Variants in FAM178B observed in about 807,000 individuals in gnomAD.
The protein encoded by FAM178B is protein FAM178B.
Under a neutral mutation model 91.7 loss-of-function variants are expected in FAM178B, and 82 were observed. The ratio of observed to expected loss-of-function variants is 0.89; its 90% CI spans 0.75 to 1.07. The LOEUF (loss-of-function observed/expected upper bound fraction) is 1.07. Among genes scored for constraint, FAM178B ranks in the 50% least tolerant of loss-of-function variants. FAM178B has a pLI of 0.00. For synonymous variants in FAM178B, 368 were observed against 359.4 expected (o/e 1.02, Z -0.27); for missense variants, 769 against 846.7 (o/e 0.91, Z 1.14).
chr2:96,893,777 G>T, intron 14 of FAM178B, 149 bp downstream of exon 14: 1 of 986,474 alleles, frequency 1.0e-6, no homozygotes, highest in Non-Finnish European at 1.4e-6. Context: ...GCTCAACACA[G>T]GGAGGCAGCC....
chr2:96,960,202 T>G, intron 6 of FAM178B, 86 bp downstream of exon 6: 1 of 1,449,204 alleles, frequency 6.9e-7, no homozygotes, highest in Non-Finnish European at 9.2e-7. Flanking sequence ...ACTTCCCCCT[T>G]TGGGGTGGCC....
intron 1 of FAM178B, among the ~76,000 whole-genome samples, chr2:96,981,659 T>C (rs2082361996): frequency 7.0e-6 from 1 of 142,154 alleles, no homozygotes; most frequent in African/African-American, 2.7e-5. Context: ...GAGAATGGCG[T>C]GAACCTGGGA....
In FAM178B at chr2:96,921,132, A is replaced by G. The variant is rs1451442410; in HGVS notation, c.1562+33T>C. On this transcript the variant is annotated intron_variant, in intron 12 of 16. Coordinates refer to ENST00000490605, the MANE Select transcript of FAM178B (RefSeq NM_001122646.3). ...ACAAGACCCCGAAGAGATGCGTGTG[A>G]GAGGGAGGAGGCAGCGGGGGAGCAG... The G allele has an allele frequency of 1.1e-5, 17 of 1,519,780 alleles. 1 individual carries two copies. The South Asian group carries it at 1.8e-4, about 16-fold the overall frequency. The allele number at this position is 1,519,780 out of a possible 1,614,324, so 94.1% of individuals were successfully genotyped here.
intron 6 of FAM178B, among the ~76,000 whole-genome samples, chr2:96,953,148 T>C (rs907424171): frequency 3.9e-5 from 6 of 152,308 alleles, no homozygotes; most frequent in African/African-American, 1.2e-4. Context: ...CACCCTGAAA[T>C]AGACCTTCGT....
intron 14 of FAM178B, among the ~76,000 whole-genome samples, chr2:96,885,250 CTGGGTAGAGAGG>C (rs994081118): frequency 1.3e-5 from 2 of 152,260 alleles, no homozygotes; most frequent in Non-Finnish European, 2.9e-5. Context: ...TTGGGCCCTG[CTGGGTAGAGAGG>C]TGGGTGTCTC....
intron 9 of FAM178B, among the ~76,000 whole-genome samples, chr2:96,928,477 G>A (rs535293495): frequency 1.3e-4 from 20 of 152,296 alleles, no homozygotes; most frequent in African/African-American, 4.3e-4. Context: ...AAGTCAGCCC[G>A]GGGCTCAACG....
intron 1 of FAM178B, among the ~76,000 whole-genome samples, chr2:96,977,077 C>G (rs890391846): frequency 1.3e-4 from 20 of 150,904 alleles, no homozygotes; most frequent in African/African-American, 4.9e-4. Context: ...CACCTGGAGT[C>G]CCAGCTACTC....
intron 8 of FAM178B, among the ~76,000 whole-genome samples, chr2:96,934,394 G>T (rs1288676697): frequency 6.6e-6 from 1 of 152,152 alleles, no homozygotes; most frequent in Non-Finnish European, 1.5e-5. Flanking sequence ...AGAGGCAGAT[G>T]GGGGCGAGAG....
At chr2:96,911,668 G>A (rs1462528841) in intron 12 of FAM178B, among the ~76,000 whole-genome samples, 1 of 152,240 alleles carries the variant, frequency 6.6e-6, no homozygotes, top group Non-Finnish European at 1.5e-5. Context: ...GAGACAGTGG[G>A]ATGCTCTGGC....
rs1339963045 is a variant in FAM178B, at chr2:96,972,297, G to A, written c.168C>T (p.Pro56=). The change falls in exon 3 of 17, where the codon CCC becomes CCT. Residue 56 remains proline (P), a synonymous_variant. Transcript: ENST00000490605. ...CATCCTCCAGGTTGTACAGGAGGAT[G>A]GGCACGGTGGCGGCAGCCTGCACCC... ...REGVQAAATV[P]ILLYNLEDGL... 1.4e-6 allele frequency: 2 copies of A among 1,473,880 alleles called. No individual in the cohort carries two copies. Among genetic ancestry groups the A allele is most frequent in the African/African-American group, 2.8e-5 (2 of 70,468 alleles). The allele number at this position is 1,473,880 out of a possible 1,614,324, so 91.3% of individuals were successfully genotyped here. A position where few individuals can be genotyped will look rare whatever the true frequency, so the allele number is the denominator to read the frequency against.
At chr2:96,892,824 C>A (rs970043914) in intron 14 of FAM178B, among the ~76,000 whole-genome samples, 3 of 152,236 alleles carry the variant, frequency 2.0e-5, no homozygotes, top group African/African-American at 7.2e-5. Context: ...CTGACCCCCA[C>A]CTCCTCTCTA....
At chr2:96,915,884 A>C (rs1161547304) in intron 12 of FAM178B, among the ~76,000 whole-genome samples, 1 of 152,080 alleles carries the variant, frequency 6.6e-6, no homozygotes, top group Non-Finnish European at 1.5e-5. Flanking sequence ...TTAACCTCAC[A>C]CCCAAAGATG....
intron 8 of FAM178B, among the ~76,000 whole-genome samples, chr2:96,939,510 CA>C (rs2081690203): frequency 6.6e-6 from 1 of 151,986 alleles, no homozygotes; most frequent in African/African-American, 2.4e-5. Flanking sequence ...CAAAACAAAA[CA>C]AACAAATGAA....
chr2:96,986,502 G>A lies in FAM178B; in HGVS notation c.-189C>T, dbSNP rs2082426840. The A allele has an allele frequency of 2.9e-6, 2 of 690,232 alleles. No individual in the cohort carries two copies. The highest frequency in any genetic ancestry group is 6.3e-5 in the Admixed American group (2 of 31,908). The allele number at this position is 690,232 out of a possible 1,614,324, so 42.8% of individuals were successfully genotyped here. A position where few individuals can be genotyped will look rare whatever the true frequency, so the allele number is the denominator to read the frequency against. On this transcript the variant is annotated 5_prime_UTR_variant, in exon 1 of 17. Transcript: ENST00000490605. ...TGGAACCTAAAGATCCAGTTCTGGG[G>A]ATTGAGTTCCGACTCCAAACCAAGC...
chr2:96,905,679 G>A (rs867623354), intron 12 of FAM178B, among the ~76,000 whole-genome samples: 2 of 150,032 alleles, frequency 1.3e-5, no homozygotes, highest in Non-Finnish European at 3.0e-5. Context: ...GCTCATGCCT[G>A]TAATCCCAGC....
chr2:96,930,215 A>T (rs1364173066), intron 8 of FAM178B, among the ~76,000 whole-genome samples: 1 of 54,398 alleles, frequency 1.8e-5, no homozygotes, highest in Non-Finnish European at 8.4e-5. Flanking sequence ...CTCTCCAAAA[A>T]AAAAAAAAAA....
chr2:96,955,711 C>T (rs2081990012), intron 6 of FAM178B, among the ~76,000 whole-genome samples: 1 of 152,084 alleles, frequency 6.6e-6, no homozygotes. Context: ...GCGAGTGTTA[C>T]CACAGGCAGA....
intron 1 of FAM178B, among the ~76,000 whole-genome samples, chr2:96,979,700 A>ATC (rs1190539064): frequency 6.6e-6 from 1 of 152,134 alleles, no homozygotes; most frequent in Admixed American, 6.5e-5. Context: ...TCTTTGAGAA[A>ATC]TCTCCATACT....
intron 13 of FAM178B, among the ~76,000 whole-genome samples, chr2:96,898,376 G>A (rs921232631): frequency 2.6e-5 from 4 of 152,236 alleles, no homozygotes; most frequent in South Asian, 2.1e-4. Flanking sequence ...AGCTCTAGGC[G>A]GGGTACAGTG....
Sources: gnomAD v4.1 joint callset for allele counts (sites outside exome capture counted in the v4.1 genomes callset) on GRCh38, gnomAD v4.1.1 for gene constraint, MANE v1.5 for transcripts, NCBI Gene and HGNC (gene_info 2026-07-23, HGNC 2026-07-21) for gene names.